Variants in HSDL1 observed in about 807,000 individuals in gnomAD.
HSDL1 encodes the protein hydroxysteroid dehydrogenase like 1.
Under a neutral mutation model 31.5 loss-of-function variants are expected in HSDL1, and 29 were observed. The ratio of observed to expected loss-of-function variants is 0.92; its 90% CI spans 0.69 to 1.26. The LOEUF is 1.26. Among genes scored for constraint, HSDL1 ranks in the 50% most tolerant of loss-of-function variants. HSDL1 has a pLI of 0.00. For missense variants in HSDL1, 503 were observed against 416.6 expected (o/e 1.21, Z -1.81); for synonymous variants, 222 against 155.2 (o/e 1.43, Z -3.20).
At chr16:84,140,481 T>G (rs2086756086) in intron 1 of HSDL1, among the ~76,000 whole-genome samples, 1 of 152,116 alleles carries the variant, frequency 6.6e-6, no homozygotes, top group Non-Finnish European at 1.5e-5. Flanking sequence ...GTCAGGCTGG[T>G]CTTGAACTCC....
At chr16:84,143,515 A>G (rs2086791116) in intron 1 of HSDL1, among the ~76,000 whole-genome samples, 1 of 152,194 alleles carries the variant, frequency 6.6e-6, no homozygotes, top group African/African-American at 2.4e-5. Context: ...TTCTGGAATT[A>G]GTTACTGGTG....
intron 2 of HSDL1, among the ~76,000 whole-genome samples, chr16:84,131,712 G>C (rs1363729430): frequency 7.1e-5 from 9 of 127,262 alleles, no homozygotes; most frequent in African/African-American, 2.2e-4. Flanking sequence ...ACGGAGTCTC[G>C]CTGTCGCCCA....
intron 2 of HSDL1, among the ~76,000 whole-genome samples, chr16:84,133,501 G>C (rs1437470043): frequency 6.6e-6 from 1 of 152,206 alleles, no homozygotes; most frequent in Non-Finnish European, 1.5e-5. Context: ...AGCACTTTGG[G>C]AGGCCAAGGC....
At chr16:84,129,501 G>A in intron 5 of HSDL1, 47 bp downstream of exon 5, 5 of 1,301,308 alleles carry the variant, frequency 3.8e-6, no homozygotes, top group Non-Finnish European at 5.6e-6. Context: ...ACTGAGATAG[G>A]TTCATGATGC....
At chr16:84,128,670 G>C (rs1490960713) in intron 5 of HSDL1, among the ~76,000 whole-genome samples, 3 of 151,168 alleles carry the variant, frequency 2.0e-5, no homozygotes, top group Admixed American at 6.6e-5. Context: ...TAAATACTTA[G>C]TATTTTTATA....
intron 1 of HSDL1, among the ~76,000 whole-genome samples, chr16:84,141,760 C>T (rs776904949): frequency 7.9e-5 from 12 of 152,158 alleles, no homozygotes; most frequent in Admixed American, 2.0e-4. Context: ...AGGCTGCAGT[C>T]CTTTTTATAT....
chr16:84,140,692 T>C (rs1369503637), intron 1 of HSDL1, among the ~76,000 whole-genome samples: 1 of 152,236 alleles, frequency 6.6e-6, no homozygotes, highest in Admixed American at 6.5e-5. Context: ...ATGCTGTTCC[T>C]CTGATTACAG....
In HSDL1 at chr16:84,123,306, T is replaced by C. The variant is rs979417257; in HGVS notation, c.*1324A>G. The C allele has an allele frequency of 5.3e-5, 8 of 152,250 alleles. No individual in the cohort carries two copies. The highest frequency in any genetic ancestry group is 1.0e-4 in the Non-Finnish European group (7 of 68,048). 9.4% of individuals were successfully genotyped at this position (152,250 alleles called of 1,614,324 possible). On this transcript the variant is annotated 3_prime_UTR_variant, in exon 6 of 6. Transcript: ENST00000219439. ...AAAATGCCACAGAAGTCCAGACTTT[T>C]AACCAATCTACTAGCTTCTGCATCA...
At chr16:84,142,634 G>A (rs572496678) in intron 1 of HSDL1, among the ~76,000 whole-genome samples, 102 of 151,234 alleles carry the variant, frequency 6.7e-4, no homozygotes, top group Middle Eastern at 6.8e-3. Flanking sequence ...TAGTAGAGAC[G>A]GGGGTTTCAC....
chr16:84,142,498 C>A (rs546804331), intron 1 of HSDL1, among the ~76,000 whole-genome samples: 1 of 130,966 alleles, frequency 7.6e-6, no homozygotes, highest in African/African-American at 2.9e-5. Flanking sequence ...TGCAATGGCG[C>A]GATCTTAGCT....
At chr16:84,136,200 G>T (rs906786589) in intron 1 of HSDL1, among the ~76,000 whole-genome samples, 1 of 152,232 alleles carries the variant, frequency 6.6e-6, no homozygotes, top group African/African-American at 2.4e-5. Context: ...TAATCTCCTG[G>T]CAGGGTGGCA....
In HSDL1 at chr16:84,129,704, T is replaced by C. The variant is rs780729152; in HGVS notation, c.738A>G (p.Leu246=). 1.2e-6 allele frequency: 2 copies of C among 1,614,212 alleles called. No individual in the cohort carries two copies. The highest frequency in any genetic ancestry group is 1.6e-4 in the Middle Eastern group (1 of 6,062). The change falls in exon 5 of 6, where the codon CTA becomes CTG. Residue 246 remains leucine (L), a synonymous_variant. Transcript: ENST00000219439. ...TGCTGGTGGCTACATAGAAAGGGAT[T>C]AGACTCTGTACAAAGATTCCTTTAG... ...YASKGIFVQS[L]IPFYVATSMT... is the part of the protein sequence containing the mutation.
intron 5 of HSDL1, among the ~76,000 whole-genome samples, chr16:84,126,986 C>G (rs750855293): frequency 1.3e-5 from 2 of 152,118 alleles, no homozygotes; most frequent in African/African-American, 4.8e-5. Context: ...AAAATACATT[C>G]TCAAGGAAAG....
At chr16:84,137,610 G>T (rs2086724740) in intron 1 of HSDL1, among the ~76,000 whole-genome samples, 1 of 152,218 alleles carries the variant, frequency 6.6e-6, no homozygotes, top group Non-Finnish European at 1.5e-5. Flanking sequence ...CCTCAGCCTT[G>T]CCAGACACTT....
chr16:84,126,438 T>G (rs375261493), intron 5 of HSDL1, among the ~76,000 whole-genome samples: 1 of 152,032 alleles, frequency 6.6e-6, no homozygotes, highest in Non-Finnish European at 1.5e-5. Flanking sequence ...ATCTAGTGGG[T>G]GGAGGCCCAG....
At chr16:84,135,438 C>G (rs982106514) in intron 2 of HSDL1, 106 bp downstream of exon 2, 4 of 151,986 alleles carry the variant, frequency 2.6e-5, no homozygotes, top group Non-Finnish European at 4.4e-5. Flanking sequence ...CGATTTTTTT[C>G]AAGAATCTGA....
chr16:84,134,976 G>A (rs2086699325), intron 2 of HSDL1, among the ~76,000 whole-genome samples: 1 of 152,144 alleles, frequency 6.6e-6, no homozygotes, highest in South Asian at 2.1e-4. Flanking sequence ...GCTCGCGCCT[G>A]TAGTCCCAGC....
intron 1 of HSDL1, among the ~76,000 whole-genome samples, chr16:84,142,187 C>T (rs2086774924): frequency 6.6e-6 from 1 of 152,132 alleles, no homozygotes; most frequent in South Asian, 2.1e-4. Flanking sequence ...CTTGGCCTCC[C>T]AAAGTGCTGG....
At position 84,136,961 on chromosome 16, in the gene HSDL1, G is replaced by A. The variant is rs1310277235; in HGVS notation, c.-68-1356C>T. Among the ~76,000 whole-genome samples the A allele has an allele frequency of 3.3e-5, 5 of 152,114 alleles. No individual in the cohort carries two copies. The East Asian group carries it at 9.6e-4, about 29-fold the overall frequency. On this transcript the variant is annotated intron_variant, in intron 1 of 5. Coordinates refer to ENST00000219439, the MANE Select transcript of HSDL1 (RefSeq NM_031463.5). Reference sequence around the variant, plus strand: ...TACATTCAAATGCCAAGTTAGGAATGGATAGTGAACAACACAGCGAAGAGG... The same window carrying A: ...TACATTCAAATGCCAAGTTAGGAATAGATAGTGAACAACACAGCGAAGAGG...
Sources: allele counts gnomAD v4.1 joint callset (sites outside exome capture counted in the v4.1 genomes callset), GRCh38; gene constraint gnomAD v4.1.1; transcripts MANE v1.5; gene names NCBI Gene and HGNC (gene_info 2026-07-23, HGNC 2026-07-21).